Variants in ZNF385C observed in about 807,000 individuals in gnomAD.
The protein encoded by ZNF385C is CTD-2132N18.2.
ZNF385C carries 28 observed loss-of-function variants against 35.4 expected under a neutral mutation model. The ratio of observed to expected loss-of-function variants is 0.79; its 90% CI spans 0.59 to 1.08. The LOEUF (loss-of-function observed/expected upper bound fraction) is 1.08, where lower values mean the gene tolerates loss of function less well. ZNF385C is among the 50% of genes least tolerant of loss of function. The probability of loss-of-function intolerance (pLI) is 0.00; values close to 1 mark genes in which losing one functional copy is unlikely to be tolerated. For synonymous variants in ZNF385C, 248 were observed against 248.2 expected (o/e 1.00, Z 0.01); for missense variants, 605 against 595.6 (o/e 1.02, Z -0.16).
intron 1 of ZNF385C, among the ~76,000 whole-genome samples, chr17:42,089,925 T>C (rs1435475984): frequency 1.3e-5 from 2 of 152,244 alleles, no homozygotes; most frequent in East Asian, 1.9e-4. Flanking sequence ...GGAGAACACC[T>C]TCTTAAAACA....
intron 2 of ZNF385C, among the ~76,000 whole-genome samples, chr17:42,047,367 G>A (rs891201583): frequency 1.3e-4 from 20 of 152,022 alleles, no homozygotes; most frequent in Non-Finnish European, 2.4e-4. Context: ...TAGAGACGGG[G>A]TTTCACCGTG....
At position 42,040,481 on chromosome 17, in the gene ZNF385C, G is replaced by C. The variant is rs2052990892; in HGVS notation, c.251-2596C>G. On this transcript the variant is annotated intron_variant, in intron 2 of 8. Coordinates refer to ENST00000692273, the MANE Select transcript of ZNF385C (RefSeq NM_001392013.1). ...GCCAAGTCCGGCTCTTCTGCCTGCA[G>C]GACAAGGGAGAGCTTCTGCACAGAG... 5 of 1,232,364 alleles carry C rather than the reference G, an allele frequency of 4.1e-6. No individual in the cohort carries two copies. The East Asian group carries it at 1.6e-4, about 39-fold the overall frequency. The allele number at this position is 1,232,364 out of a possible 1,614,324, so 76.3% of individuals were successfully genotyped here.
Position 42,031,652 on chromosome 17 carries a change from C to T in ZNF385C, c.643G>A (p.Ala215Thr), listed in dbSNP as rs1555655008. 1 of 1,550,666 alleles carries T rather than the reference C, an allele frequency of 6.4e-7. No homozygotes were observed. Among genetic ancestry groups the T allele is most frequent in the Non-Finnish European group, 8.7e-7 (1 of 1,147,010 alleles). Residue 215 changes from alanine to threonine, a missense_variant, in exon 5 of 9, where the codon GCC (alanine) becomes ACC (threonine). Transcript: ENST00000692273. ...TGTGGCTCTCCAGGGGCTCCACTGG[C>T]CAGCGTTGGGATTGGGGACACTACA... ...GAVVSPIPTL[A>T]SGAPGEPQSK...
chr17:42,044,307 CAAAAAAAAAAAA>C (rs57246793), intron 2 of ZNF385C, among the ~76,000 whole-genome samples: 2 of 70,548 alleles, frequency 2.8e-5, no homozygotes, highest in African/African-American at 1.2e-4. Flanking sequence ...GACCCTGTCT[CAAAAAAAAAAAA>C]AAAAAAAAAA....
intron 2 of ZNF385C, among the ~76,000 whole-genome samples, chr17:42,047,355 A>C (rs537698643): frequency 1.3e-5 from 2 of 151,902 alleles, no homozygotes; most frequent in Admixed American, 6.6e-5. Flanking sequence ...TTGAATTTTT[A>C]GTAGAGACGG....
At chr17:42,056,386 C>T (rs1420606937) in intron 2 of ZNF385C, among the ~76,000 whole-genome samples, 1 of 152,232 alleles carries the variant, frequency 6.6e-6, no homozygotes, top group Non-Finnish European at 1.5e-5. Flanking sequence ...CCTCCCCATT[C>T]TCAAACATGG....
chr17:42,032,041 T>TTTGTTG (rs58515485), intron 4 of ZNF385C, among the ~76,000 whole-genome samples: 129 of 152,066 alleles, frequency 8.5e-4, no homozygotes, highest in African/African-American at 3.0e-3. Flanking sequence ...ACCACATCTT[T>TTTGTTG]TTGTTGTTGT....
chr17:42,081,239 A>ATG (rs1555659688), intron 1 of ZNF385C, among the ~76,000 whole-genome samples: 11 of 152,122 alleles, frequency 7.2e-5, no homozygotes. Context: ...GGCTTGCAGA[A>ATG]GACCAGCACT....
At chr17:42,048,356 T>C (rs1309815402) in intron 2 of ZNF385C, among the ~76,000 whole-genome samples, 15 of 134,278 alleles carry the variant, frequency 1.1e-4, no homozygotes, top group African/African-American at 3.9e-4. Flanking sequence ...CTGGGCAACA[T>C]AGGGAGAACC....
Position 42,050,687 on chromosome 17 carries a change from C to T in ZNF385C, c.250+12120G>A, listed in dbSNP as rs1277343828. On this transcript the variant is annotated intron_variant, in intron 2 of 8. Transcript: ENST00000692273. This position sits in a 1 kb window ranked among gnomAD's most constrained non-coding sequence, Gnocchi z 5.6. The stretch of plus-strand genomic sequence containing the variant: ...CCAGCAGCCAGCGCCGGCCAGGGTC[C>T]CGGGCAGGGCGGGCGGCGCCCCCGG... 2 of 151,156 alleles carry T rather than the reference C, an allele frequency of 1.3e-5. No homozygotes were observed. The highest frequency in any genetic ancestry group is 4.8e-5 in the African/African-American group (2 of 41,328). 9.4% of individuals were successfully genotyped at this position (151,156 alleles called of 1,614,324 possible). A position where few individuals can be genotyped will look rare whatever the true frequency, so the allele number is the denominator to read the frequency against.
chr17:42,045,343 G>T (rs573712904), intron 2 of ZNF385C, among the ~76,000 whole-genome samples: 5 of 152,262 alleles, frequency 3.3e-5, no homozygotes, highest in Non-Finnish European at 5.9e-5. Context: ...GCGCCACCGC[G>T]CCTGGCCTTA....
intron 1 of ZNF385C, among the ~76,000 whole-genome samples, chr17:42,083,553 T>C (rs1427834734): frequency 6.6e-6 from 1 of 151,934 alleles, no homozygotes; most frequent in Non-Finnish European, 1.5e-5. Context: ...GAGGTCTTTG[T>C]TTTCTGGTAA....
intron 2 of ZNF385C, chr17:42,039,595 T>C: frequency 9.6e-7 from 1 of 1,042,050 alleles, no homozygotes; most frequent in Non-Finnish European, 1.2e-6. Context: ...CTCAGGCCCC[T>C]GGGAGGCTGC....
At position 42,057,265 on chromosome 17, in the gene ZNF385C, G is replaced by A. The variant is rs568868816; in HGVS notation, c.250+5542C>T. Among the ~76,000 whole-genome samples the A allele has an allele frequency of 1.5e-4, 23 of 152,224 alleles. 1 individual carries two copies. The highest frequency in any genetic ancestry group is 3.9e-4 in the African/African-American group (16 of 41,516). On this transcript the variant is annotated intron_variant, in intron 2 of 8. Coordinates refer to ENST00000692273, the MANE Select transcript of ZNF385C (RefSeq NM_001392013.1). ...AAAGTGAGACTGAATGTCATCATCC[G>A]TGCCTAGGATGGCTGGGTGAGGAGG...
intron 2 of ZNF385C, among the ~76,000 whole-genome samples, chr17:42,042,479 G>A (rs1180175969): frequency 3.3e-5 from 5 of 151,700 alleles, no homozygotes; most frequent in African/African-American, 1.2e-4. Flanking sequence ...CTGAGATCAC[G>A]CCACTGCTCT....
intron 1 of ZNF385C, among the ~76,000 whole-genome samples, chr17:42,076,526 G>A (rs1271743004): frequency 6.6e-6 from 1 of 152,192 alleles, no homozygotes; most frequent in Non-Finnish European, 1.5e-5. Flanking sequence ...GGAGGCTGAG[G>A]CAGGAGAATG....
In ZNF385C at chr17:42,027,111, T is replaced by C. The variant is rs1567982314; in HGVS notation, c.1298A>G (p.Gln433Arg). Residue 433 changes from glutamine to arginine, a missense_variant, in exon 9 of 9, where the codon CAA becomes CGA. Physicochemically the swap from Gln to Arg is conservative, Grantham distance 43. Coordinates refer to ENST00000692273, the MANE Select transcript of ZNF385C (RefSeq NM_001392013.1). ...ILKSKLALQK[Q>R]LTKTLAARFL... ...GCGGGCTGCCAACGTCTTGGTGAGT[T>C]GCTTCTGCAAGGCCAGTTTAGACTA... 1 of 1,613,248 alleles carries C rather than the reference T, an allele frequency of 6.2e-7. No homozygotes were observed. The highest frequency in any genetic ancestry group is 8.5e-7 in the Non-Finnish European group (1 of 1,179,812).
chr17:42,039,556 G>A, intron 2 of ZNF385C: 1 of 691,440 alleles, frequency 1.4e-6, no homozygotes, highest in Admixed American at 4.3e-5. Flanking sequence ...GGGGGTTGGT[G>A]GGAAGCTCCA....
At chr17:42,070,892 C>T (rs1555658749) in intron 1 of ZNF385C, among the ~76,000 whole-genome samples, 1 of 152,220 alleles carries the variant, frequency 6.6e-6, no homozygotes, top group Non-Finnish European at 1.5e-5. Flanking sequence ...ATTTTGGCTT[C>T]TCCACCCTGC....
Sources: gnomAD v4.1 joint callset for allele counts (sites outside exome capture counted in the v4.1 genomes callset) on GRCh38, gnomAD v4.1.1 for gene constraint, Gnocchi (gnomAD v3.1) non-coding constraint, MANE v1.5 for transcripts, NCBI Gene and HGNC (gene_info 2026-07-23, HGNC 2026-07-21) for gene names.